MAD1L1: variants seen among roughly 807,000 people sequenced by gnomAD.
MAD1L1 encodes mitotic arrest deficient 1 like 1.
A neutral mutation model predicts 96.9 loss-of-function variants in MAD1L1; 95 were observed. The observed-to-expected ratio is 0.98, with a 90% CI of 0.83 to 1.16. The LOEUF is 1.16. Ranked by LOEUF, MAD1L1 falls within the 50% of genes most tolerant of loss-of-function variation. MAD1L1 has a pLI of 0.00. For synonymous variants in MAD1L1, 473 were observed against 396.6 expected (o/e 1.19, Z -2.29); for missense variants, 1,007 against 954.4 (o/e 1.06, Z -0.73).
At chr7:1,970,830 C>G (rs941410446) in intron 15 of MAD1L1, among the ~76,000 whole-genome samples, 2 of 152,126 alleles carry the variant, frequency 1.3e-5, no homozygotes, top group African/African-American at 2.4e-5. Context: ...AGTGCATCCA[C>G]TTTTATTTAC....
intron 12 of MAD1L1, among the ~76,000 whole-genome samples, chr7:2,051,888 G>C (rs1408407424): frequency 2.6e-5 from 4 of 151,956 alleles, no homozygotes; most frequent in Non-Finnish European, 5.9e-5. Flanking sequence ...TGCCGTGTCA[G>C]GCTATACCAC....
rs533381507 is a variant in MAD1L1 at position 1,988,522 on chromosome 7, C to A, written c.1417-7981G>T. 2.6e-5 allele frequency among the ~76,000 whole-genome samples: 4 copies of A among 152,290 alleles called. No homozygotes were observed. The East Asian group carries it at 7.7e-4, about 29-fold the overall frequency. On this transcript the variant is annotated intron_variant, in intron 14 of 18. Transcript: ENST00000265854. ...CACTGCTCTGGGCCTGGCCCAGGCA[C>A]AGAGCACTCAGTACCTAAAACTTCG...
intron 18 of MAD1L1, among the ~76,000 whole-genome samples, chr7:1,828,270 C>G (rs531384711): frequency 1.3e-5 from 2 of 152,150 alleles, no homozygotes; most frequent in Non-Finnish European, 2.9e-5. Flanking sequence ...CCCTGAGAGA[C>G]GGGGCGAGCC....
rs189709046 is a variant in MAD1L1 at position 1,858,595 on chromosome 7, C to A, written c.1998+39605G>T. Among the ~76,000 whole-genome samples, 1,048 of 152,328 alleles carry A rather than the reference C, an allele frequency of 6.9e-3. 5 individuals carry two copies. The highest frequency in any genetic ancestry group is 0.02 in the South Asian group (95 of 4,832). On this transcript the variant is annotated intron_variant, in intron 18 of 18. Transcript: ENST00000265854. Reference sequence around the variant, plus strand: ...CCCTGTCCCGGCACCAGGACGCCCGCGGTGCCTCCTCCTACCTGGCGGGGC... The same window carrying A: ...CCCTGTCCCGGCACCAGGACGCCCGAGGTGCCTCCTCCTACCTGGCGGGGC...
At chr7:1,983,290 T>G (rs1017409731) in intron 14 of MAD1L1, among the ~76,000 whole-genome samples, 4 of 152,226 alleles carry the variant, frequency 2.6e-5, no homozygotes, top group African/African-American at 7.2e-5. Context: ...GTGCTCAAAG[T>G]ATCTGCGCTT....
chr7:1,934,476 C>A (rs10267825), intron 17 of MAD1L1, among the ~76,000 whole-genome samples: 1 of 150,490 alleles, frequency 6.6e-6, no homozygotes, highest in South Asian at 2.1e-4. Context: ...AACAAACACA[C>A]GAGCGAACCC....
chr7:2,043,939 G>A (rs910415685), intron 12 of MAD1L1, among the ~76,000 whole-genome samples: 5 of 152,200 alleles, frequency 3.3e-5, no homozygotes, highest in African/African-American at 1.2e-4. Flanking sequence ...TGGCGGCCGC[G>A]GGCTCGGACG....
At chr7:1,846,332 C>G (rs1783620628) in intron 18 of MAD1L1, 1 of 152,740 alleles carries the variant, frequency 6.5e-6, no homozygotes, top group African/African-American at 2.4e-5. Context: ...AGGTTCCAGC[C>G]AGGACACGGG....
chr7:2,108,976 C>G (rs748709934), intron 11 of MAD1L1, among the ~76,000 whole-genome samples: 3 of 152,242 alleles, frequency 2.0e-5, no homozygotes, highest in Non-Finnish European at 2.9e-5. Context: ...ACCAAACAGG[C>G]GCTACCAAGT....
chr7:2,065,281 C>A (rs1228842702), intron 12 of MAD1L1, among the ~76,000 whole-genome samples: 1 of 152,156 alleles, frequency 6.6e-6, no homozygotes, highest in Non-Finnish European at 1.5e-5. Flanking sequence ...CTGCACCCAG[C>A]GAATACAGAC....
chr7:2,062,370 T>C (rs906740609), intron 12 of MAD1L1, among the ~76,000 whole-genome samples: 1 of 150,330 alleles, frequency 6.7e-6, no homozygotes, highest in African/African-American at 2.5e-5. Context: ...AGGTCAGGAG[T>C]TCGAGACCAA....
chr7:1,955,186 G>C (rs1261164511), intron 16 of MAD1L1, among the ~76,000 whole-genome samples: 1 of 152,240 alleles, frequency 6.6e-6, no homozygotes, highest in Non-Finnish European at 1.5e-5. Context: ...TCCCAATTAA[G>C]TCAGACTGCA....
chr7:1,879,920 C>CG (rs1785591678), intron 18 of MAD1L1, among the ~76,000 whole-genome samples: 1 of 152,122 alleles, frequency 6.6e-6, no homozygotes, highest in Non-Finnish European at 1.5e-5. Flanking sequence ...TTAGCAGAGA[C>CG]GGGATTTCAC....
At chr7:1,989,527 C>T (rs543854086) in intron 14 of MAD1L1, among the ~76,000 whole-genome samples, 26 of 152,352 alleles carry the variant, frequency 1.7e-4, no homozygotes, top group African/African-American at 6.0e-4. Context: ...CCCTGGAAGA[C>T]GGAGCTCGCA....
intron 11 of MAD1L1, among the ~76,000 whole-genome samples, chr7:2,112,709 A>G (rs1860830): frequency 0.72 from 108,718 of 151,968 alleles, 39,405 homozygotes; most frequent in African/African-American, 0.81. Flanking sequence ...GGGCCCTGAC[A>G]CACCCGGAGC....
At chr7:1,916,163 G>A (rs1252075447) in intron 17 of MAD1L1, among the ~76,000 whole-genome samples, 1 of 152,170 alleles carries the variant, frequency 6.6e-6, no homozygotes, top group Non-Finnish European at 1.5e-5. Context: ...GAGGGTGTGG[G>A]GCCCCTGGAG....
chr7:1,949,985 G>A (rs1411957484), intron 16 of MAD1L1, among the ~76,000 whole-genome samples: 1 of 152,106 alleles, frequency 6.6e-6, no homozygotes, highest in Admixed American at 6.6e-5. Flanking sequence ...TTCAGTCCAA[G>A]TGGCAGCAGC....
chr7:1,969,513 T>C (rs867286681), intron 15 of MAD1L1, among the ~76,000 whole-genome samples: 1 of 152,208 alleles, frequency 6.6e-6, no homozygotes. Flanking sequence ...CTATTCAACA[T>C]AGCCAGAACA....
At chr7:1,975,907 C>G (rs1780615378) in intron 15 of MAD1L1, among the ~76,000 whole-genome samples, 1 of 152,226 alleles carries the variant, frequency 6.6e-6, no homozygotes, top group Non-Finnish European at 1.5e-5. Flanking sequence ...CTGGAATTAG[C>G]AAGCGTCTAA....
Sources: gnomAD v4.1 joint callset for allele counts (sites outside exome capture counted in the v4.1 genomes callset) on GRCh38, gnomAD v4.1.1 for gene constraint, MANE v1.5 for transcripts, NCBI Gene and HGNC (gene_info 2026-07-23, HGNC 2026-07-21) for gene names.